The following ADD1 variants were observed in gnomAD, a reference collection of about 807,000 sequenced individuals.
ADD1 encodes the protein alpha-adducin.
ADD1 carries 24 observed loss-of-function variants against 80.5 expected under a neutral mutation model. The ratio of observed to expected loss-of-function variants is 0.30; its 90% CI spans 0.22 to 0.42. The LOEUF (loss-of-function observed/expected upper bound fraction) is 0.42. Among genes scored for constraint, ADD1 ranks in the 10% least tolerant of loss-of-function variants. The probability of loss-of-function intolerance (pLI) is 1.00; values close to 1 mark genes in which losing one functional copy is unlikely to be tolerated. For missense variants in ADD1, 948 were observed against 1,019.0 expected (o/e 0.93, Z 0.95); for synonymous variants, 373 against 393.8 (o/e 0.95, Z 0.63).
At chr4:2,857,535 G>T (rs1728261261) in intron 1 of ADD1, among the ~76,000 whole-genome samples, 1 of 152,182 alleles carries the variant, frequency 6.6e-6, no homozygotes, top group Non-Finnish European at 1.5e-5. Flanking sequence ...TTGAGCTCAG[G>T]AGGTGGAGGT....
chr4:2,884,384 A>G (rs1200548862), intron 3 of ADD1, 131 bp from the exon 4 acceptor site: 1 of 565,354 alleles, frequency 1.8e-6, no homozygotes, highest in Non-Finnish European at 2.9e-6. Context: ...GGCTATTCAC[A>G]GCTGCTATCA....
In ADD1 at chr4:2,923,861, C is replaced by T. The variant is rs368299438; in HGVS notation, c.1949-2153C>T. ...TCGCGAGAACGAGGTTGTGCGTGGC[C>T]GAGCCCTGATTTGGACAGAAGCGCA... On this transcript the variant is annotated intron_variant, in intron 14 of 15. Transcript: ENST00000683351. Among the ~76,000 whole-genome samples the T allele has an allele frequency of 8.5e-5, 13 of 152,358 alleles. No individual in the cohort carries two copies. The South Asian group carries it at 1.9e-3, about 22-fold the overall frequency.
intron 1 of ADD1, among the ~76,000 whole-genome samples, chr4:2,864,304 T>C (rs1729225120): frequency 6.6e-6 from 1 of 152,078 alleles, no homozygotes; most frequent in African/African-American, 2.4e-5. Flanking sequence ...TCCCAGCTGT[T>C]CGGGAGGCTG....
intron 1 of ADD1, among the ~76,000 whole-genome samples, chr4:2,863,219 A>ATTTTTTTTTTTTTT (rs34312305): frequency 8.1e-6 from 1 of 123,764 alleles, no homozygotes. Context: ...CTAATTTTTA[A>ATTTTTTTTTTTTTT]TTTTTTTTTT....
chr4:2,850,545 C>T (rs1726920749), intron 1 of ADD1, among the ~76,000 whole-genome samples: 1 of 152,206 alleles, frequency 6.6e-6, no homozygotes, highest in South Asian at 2.1e-4. Flanking sequence ...CCTGCCTCAG[C>T]CTCCTGAGTA....
At chr4:2,885,832 G>C (rs186784941) in intron 4 of ADD1, among the ~76,000 whole-genome samples, 5,205 of 151,928 alleles carry the variant, frequency 0.034, 268 homozygotes, top group African/African-American at 0.11. Context: ...GGATGGTCTC[G>C]ATCTCCTGAC....
chr4:2,865,546 T>G (rs950739295), intron 1 of ADD1, among the ~76,000 whole-genome samples: 3 of 152,246 alleles, frequency 2.0e-5, no homozygotes, highest in African/African-American at 7.2e-5. Flanking sequence ...ATCATTTGTC[T>G]TTCAGATAAA....
In ADD1 at chr4:2,928,483, CG is replaced by C. The variant is rs1712360844; in HGVS notation, c.2361del (p.Ser788ProfsTer3). On this transcript the variant is annotated frameshift_variant, in exon 16 of 16. Transcript: ENST00000683351. LOFTEE classifies it high-confidence loss of function. Reference sequence around the variant, plus strand: ...AAAAAGAAGAAGAAGTTCCGTACCCCGTCCTTTCTGAAGAAGAGCAAGAAGA... The same window carrying C: ...AAAAAGAAGAAGAAGTTCCGTACCCCTCCTTTCTGAAGAAGAGCAAGAAGA... ...PSKKKKKFRT[P>X]SFLKKSKKKS... 1 of 1,613,668 alleles carries C rather than the reference CG, an allele frequency of 6.2e-7. No homozygotes were observed. Among genetic ancestry groups the C allele is most frequent in the Non-Finnish European group, 8.5e-7 (1 of 1,180,008 alleles).
intron 2 of ADD1, among the ~76,000 whole-genome samples, chr4:2,878,497 A>G (rs1032376952): frequency 3.9e-5 from 6 of 152,166 alleles, no homozygotes; most frequent in African/African-American, 1.4e-4. Context: ...GAAGCTAAGT[A>G]AAAATGACTC....
At position 2,885,735 on chromosome 4, in the gene ADD1, G is replaced by A. The variant is rs577854667; in HGVS notation, c.510+1069G>A. 5.2e-3 allele frequency among the ~76,000 whole-genome samples: 788 copies of A among 150,540 alleles called. 10 individuals carry two copies. The highest frequency in any genetic ancestry group is 0.018 in the African/African-American group (738 of 40,242). On this transcript the variant is annotated intron_variant, in intron 4 of 15. Transcript: ENST00000683351. Reference sequence around the variant, plus strand: ...CGCCATTCTCCTGCCTCAGCCTCCCGAGTAGCTGGGACTACAGGCGCCCGC... The same window carrying A: ...CGCCATTCTCCTGCCTCAGCCTCCCAAGTAGCTGGGACTACAGGCGCCCGC...
chr4:2,928,098 G>A (rs1712202311), intron 15 of ADD1, 73 bp from the exon 16 acceptor site: 2 of 1,346,130 alleles, frequency 1.5e-6, no homozygotes, highest in Non-Finnish European at 2.1e-6. Flanking sequence ...CGTGTGTGGG[G>A]CTCCCCCATC....
At chr4:2,858,434 G>A (rs1029841759) in intron 1 of ADD1, among the ~76,000 whole-genome samples, 1 of 152,138 alleles carries the variant, frequency 6.6e-6, no homozygotes, top group Non-Finnish European at 1.5e-5. Flanking sequence ...AAGGTTACGC[G>A]GTTTAGTGAA....
intron 1 of ADD1, among the ~76,000 whole-genome samples, chr4:2,856,830 A>T (rs1194698525): frequency 6.6e-6 from 1 of 151,534 alleles, no homozygotes; most frequent in African/African-American, 2.4e-5. Context: ...ACCTCAGGTG[A>T]TCTGCCCACC....
At position 2,926,952 on chromosome 4, in the gene ADD1, T is replaced by C. The variant is rs1054141883; in HGVS notation, c.2047+840T>C. Among the ~76,000 whole-genome samples, 3 of 152,178 alleles carry C rather than the reference T, an allele frequency of 2.0e-5. No individual in the cohort carries two copies. The highest frequency in any genetic ancestry group is 4.4e-5 in the Non-Finnish European group (3 of 68,028). ...TACCTCCAGCCTTTGAGGGTCTCTT[T>C]GGATTGCTTGGTGGGAGGGTTTTGC... On this transcript the variant is annotated intron_variant, in intron 15 of 15. Transcript: ENST00000683351. The surrounding 1 kb of genome is among the most constrained non-coding windows in gnomAD (Gnocchi z 5.0).
chr4:2,882,907 C>T (rs188863277), intron 3 of ADD1, among the ~76,000 whole-genome samples: 1 of 152,300 alleles, frequency 6.6e-6, no homozygotes, highest in East Asian at 1.9e-4. Flanking sequence ...GTCTCCCAGG[C>T]TGGAGTGCAG....
chr4:2,845,210 C>CT (rs1726005741), intron 1 of ADD1, among the ~76,000 whole-genome samples: 1 of 152,056 alleles, frequency 6.6e-6, no homozygotes, highest in Non-Finnish European at 1.5e-5. Flanking sequence ...GTAGCTGGGA[C>CT]TACAGGCGCG....
chr4:2,925,697 G>A (rs560524160), intron 14 of ADD1, among the ~76,000 whole-genome samples: 4 of 152,338 alleles, frequency 2.6e-5, no homozygotes, highest in South Asian at 2.1e-4. Context: ...GTCCCTACTC[G>A]CACAGGACAG....
At chr4:2,915,465 G>T (rs192812973) in intron 14 of ADD1, among the ~76,000 whole-genome samples, 9 of 152,156 alleles carry the variant, frequency 5.9e-5, no homozygotes, top group Admixed American at 2.0e-4. Flanking sequence ...ACGATGAAAC[G>T]CCGTCTCTAG....
At chr4:2,875,748 A>G (rs1272946529) in intron 1 of ADD1, 148 bp from the exon 2 acceptor site, 3 of 586,272 alleles carry the variant, frequency 5.1e-6, no homozygotes, top group Non-Finnish European at 8.5e-6. Context: ...TGAGGCCACA[A>G]AGAAGCCTCA....
Sources: allele counts gnomAD v4.1 joint callset (sites outside exome capture counted in the v4.1 genomes callset), GRCh38; gene constraint gnomAD v4.1.1; non-coding constraint Gnocchi (gnomAD v3.1); transcripts MANE v1.5; gene names NCBI Gene and HGNC (gene_info 2026-07-23, HGNC 2026-07-21).